Variants in ANO4 observed in about 807,000 individuals in gnomAD.
ANO4 encodes the protein anoctamin-4.
Under a neutral mutation model 141.9 loss-of-function variants are expected in ANO4, and 69 were observed. That is an observed-to-expected ratio of 0.49 (90% CI 0.40 to 0.59). The LOEUF is 0.59. Ranked by LOEUF, ANO4 falls within the 20% of genes least tolerant of loss-of-function variation. The pLI is 0.00. For synonymous variants in ANO4, 350 were observed against 394.3 expected (o/e 0.89, Z 1.33); for missense variants, 894 against 1,162.2 (o/e 0.77, Z 3.36).
chr12:101,029,405 C>T (rs559325467), intron 9 of ANO4, among the ~76,000 whole-genome samples: 49 of 152,196 alleles, frequency 3.2e-4, no homozygotes, highest in African/African-American at 1.1e-3. Context: ...AGACTAAAGA[C>T]CCATTGGTGT....
At chr12:101,124,385 A>T (rs1235546338) in intron 26 of ANO4, among the ~76,000 whole-genome samples, 2 of 152,006 alleles carry the variant, frequency 1.3e-5, no homozygotes, top group East Asian at 3.9e-4. Context: ...TGTTAGATGG[A>T]TAGATTACAA....
intron 3 of ANO4, among the ~76,000 whole-genome samples, chr12:100,788,568 A>G (rs2033943788): frequency 6.6e-6 from 1 of 152,200 alleles, no homozygotes; most frequent in Admixed American, 6.5e-5. Context: ...CTCCATACTA[A>G]GTGATCTCCT....
upstream of ANO4, among the ~76,000 whole-genome samples, chr12:100,793,932 A>T (rs536358209): frequency 3.3e-5 from 5 of 152,204 alleles, no homozygotes; most frequent in African/African-American, 1.2e-4. Context: ...TGTTAGTGTA[A>T]GTCAGAATTT....
At chr12:100,834,852 G>A (rs890010346) in intron 1 of ANO4, among the ~76,000 whole-genome samples, 1 of 152,124 alleles carries the variant, frequency 6.6e-6, no homozygotes, top group African/African-American at 2.4e-5. Flanking sequence ...GCAGATATAT[G>A]AGGGAAGAGT....
chr12:101,079,715 G>A (rs1179686078), intron 15 of ANO4, among the ~76,000 whole-genome samples: 2 of 152,194 alleles, frequency 1.3e-5, no homozygotes, highest in Non-Finnish European at 2.9e-5. Context: ...AGGCTCTGAA[G>A]TATGACATCA....
chr12:100,922,301 T>C lies in ANO4; in HGVS notation c.131T>C (p.Phe44Ser), dbSNP rs887710760. Residue 44 changes from phenylalanine to serine, a missense_variant, in exon 3 of 28, where the codon TTT (phenylalanine) becomes TCT (serine). By Grantham distance (155) the Phe-to-Ser change is radical. Around this residue, in one of 2 missense-constraint regions of ANO4, gnomAD observed 257 missense variants for 253.0 expected, o/e 1.02. Coordinates refer to ENST00000392977, the MANE Select transcript of ANO4 (RefSeq NM_001286615.2). ...LPDGPKSDVD[F>S]SEILNAIQEM... ...GACGGGCCAAAGAGTGATGTGGACT[T>C]TTCAGAGATTCTTAATGCAATACAA... 3.3e-5 allele frequency: 51 copies of C among 1,531,748 alleles called. No homozygotes were observed. The highest frequency in any genetic ancestry group is 4.4e-5 in the Non-Finnish European group (50 of 1,145,604). The allele number at this position is 1,531,748 out of a possible 1,614,324, so 94.9% of individuals were successfully genotyped here.
At chr12:100,785,936 A>G (rs2033861549) in intron 3 of ANO4, among the ~76,000 whole-genome samples, 1 of 152,226 alleles carries the variant, frequency 6.6e-6, no homozygotes, top group Non-Finnish European at 1.5e-5. Context: ...ATAAAGGTGT[A>G]GAATGTTCAG....
chr12:100,859,041 T>TA (rs2038333808), intron 1 of ANO4: 1 of 152,278 alleles, frequency 6.6e-6, no homozygotes, highest in South Asian at 2.1e-4. Context: ...ATAAACAAAT[T>TA]AGAGAATGGC....
intron 1 of ANO4, among the ~76,000 whole-genome samples, chr12:100,797,803 T>G (rs889672810): frequency 1.2e-4 from 18 of 151,558 alleles, no homozygotes; most frequent in Non-Finnish European, 2.7e-4. Context: ...CTTCTTCACT[T>G]TTGCCATTTT....
chr12:100,915,039 T>A (rs950029589), intron 2 of ANO4, among the ~76,000 whole-genome samples: 2 of 152,106 alleles, frequency 1.3e-5, no homozygotes, highest in African/African-American at 4.8e-5. Context: ...CAGGTAGGTC[T>A]TGAACTTCTG....
intron 21 of ANO4, 54 bp from the exon 22 acceptor site, chr12:101,099,524 C>T: frequency 2.0e-6 from 3 of 1,499,970 alleles, no homozygotes; most frequent in Admixed American, 4.7e-5. Flanking sequence ...TTTCTTATTA[C>T]CTAAGTCATA....
rs142193818 is a variant in ANO4, at chr12:101,020,737, T to C, written c.841+597T>C. On this transcript the variant is annotated intron_variant, in intron 9 of 27. Coordinates refer to ENST00000392977, the MANE Select transcript of ANO4 (RefSeq NM_001286615.2). ...TTCTCCAGTCATCTCCTCCATTAAA[T>C]AGCCTCTACCATATATATTTTAGGC... is the stretch of plus-strand genomic sequence containing the variant. Among the ~76,000 whole-genome samples, 1,218 of 152,300 alleles carry C rather than the reference T, an allele frequency of 8.0e-3. 16 individuals are homozygous for C. The highest frequency in any genetic ancestry group is 0.028 in the African/African-American group (1,159 of 41,562).
intron 3 of ANO4, among the ~76,000 whole-genome samples, chr12:100,784,960 T>TTC (rs200545759): frequency 1.3e-5 from 2 of 151,898 alleles, no homozygotes; most frequent in African/African-American, 4.8e-5. Flanking sequence ...TCTTCTTCTA[T>TTC]TCTCTCTCTC....
intron 3 of ANO4, among the ~76,000 whole-genome samples, chr12:100,761,310 G>C (rs2032848259): frequency 6.6e-6 from 1 of 152,138 alleles, no homozygotes; most frequent in Non-Finnish European, 1.5e-5. Flanking sequence ...GGGTCCCCAA[G>C]ACCACTTCCA....
chr12:101,016,537 C>A (rs1001104752), intron 8 of ANO4, among the ~76,000 whole-genome samples: 3 of 152,144 alleles, frequency 2.0e-5, no homozygotes, highest in Non-Finnish European at 4.4e-5. Flanking sequence ...TTAGAGGGGA[C>A]AAACATCCAA....
At chr12:101,012,281 C>T (rs2046129355) in intron 8 of ANO4, among the ~76,000 whole-genome samples, 1 of 151,970 alleles carries the variant, frequency 6.6e-6, no homozygotes, top group South Asian at 2.1e-4. Context: ...GTAGACACAT[C>T]CCCACCTCAT....
intron 22 of ANO4, among the ~76,000 whole-genome samples, chr12:101,101,632 A>G (rs953082424): frequency 2.6e-4 from 39 of 152,112 alleles, no homozygotes; most frequent in African/African-American, 8.9e-4. Context: ...AAATAATAAT[A>G]TGCTAGGTAA....
chr12:100,717,268 G>A (rs535755752), upstream of ANO4, among the ~76,000 whole-genome samples: 1 of 151,820 alleles, frequency 6.6e-6, no homozygotes, highest in African/African-American at 2.4e-5. Context: ...TTCAATCCCC[G>A]CGGGGACCCG....
intron 1 of ANO4, among the ~76,000 whole-genome samples, chr12:100,861,643 T>C (rs191020074): frequency 6.6e-6 from 1 of 152,320 alleles, no homozygotes; most frequent in East Asian, 1.9e-4. Flanking sequence ...CTACATTTAG[T>C]CTACACTAAG....
Sources: allele counts gnomAD v4.1 joint callset (sites outside exome capture counted in the v4.1 genomes callset), GRCh38; gene constraint gnomAD v4.1.1; regional missense constraint gnomAD v4.1.1; transcripts MANE v1.5; gene names NCBI Gene and HGNC (gene_info 2026-07-23, HGNC 2026-07-21).